CAPZB: variants seen among roughly 807,000 people sequenced by gnomAD.
The protein encoded by CAPZB is capping actin protein of muscle Z-line subunit beta.
CAPZB carries 2 observed loss-of-function variants against 38.1 expected under a neutral mutation model. That is an observed-to-expected ratio of 0.05 (90% CI 0.02 to 0.17). The LOEUF is 0.17. Among genes scored for constraint, CAPZB ranks in the 10% least tolerant of loss-of-function variants. The probability of loss-of-function intolerance (pLI) is 1.00; values close to 1 mark genes in which losing one functional copy is unlikely to be tolerated. For synonymous variants in CAPZB, 107 were observed against 127.4 expected (o/e 0.84, Z 1.08); for missense variants, 161 against 334.2 (o/e 0.48, Z 4.04).
chr1:19,341,855 C>T (rs1254322989), intron 8 of CAPZB, among the ~76,000 whole-genome samples: 1 of 152,200 alleles, frequency 6.6e-6, no homozygotes, highest in Non-Finnish European at 1.5e-5. Flanking sequence ...TTTCTAAGTG[C>T]CTGACCCCAC....
intron 1 of CAPZB, chr1:19,484,079 G>T: frequency 8.9e-7 from 1 of 1,123,482 alleles, no homozygotes; most frequent in Non-Finnish European, 1.3e-6. Flanking sequence ...GTCTATCTGT[G>T]GGGGCCTATG....
chr1:19,385,834 A>G (rs2094201165), intron 2 of CAPZB: 1 of 715,090 alleles, frequency 1.4e-6, no homozygotes, highest in Non-Finnish European at 2.6e-6. Flanking sequence ...CTTGAATTAC[A>G]GTGGAGCGTG....
intron 8 of CAPZB, 59 bp from the exon 9 acceptor site, chr1:19,339,676 G>A (rs1391648679): frequency 1.6e-6 from 2 of 1,289,124 alleles, no homozygotes; most frequent in Non-Finnish European, 2.3e-6. Flanking sequence ...GGCGGTGGAG[G>A]CCTGGGGGCC....
intron 1 of CAPZB, among the ~76,000 whole-genome samples, chr1:19,431,638 G>A (rs747599691): frequency 5.9e-5 from 9 of 151,786 alleles, no homozygotes; most frequent in African/African-American, 9.7e-5. Flanking sequence ...GGAGAATGGC[G>A]TGAACCCAGG....
At chr1:19,413,753 C>G (rs763870465) in intron 2 of CAPZB, among the ~76,000 whole-genome samples, 3 of 152,190 alleles carry the variant, frequency 2.0e-5, no homozygotes, top group Non-Finnish European at 4.4e-5. Context: ...AGCCTGCTTA[C>G]TCTATTAACA....
At chr1:19,397,205 C>G (rs1461308198) in intron 2 of CAPZB, among the ~76,000 whole-genome samples, 1 of 152,126 alleles carries the variant, frequency 6.6e-6, no homozygotes, top group Admixed American at 6.5e-5. Context: ...GGTCATAATT[C>G]CCAAGAACCT....
intron 6 of CAPZB, among the ~76,000 whole-genome samples, chr1:19,353,432 C>T (rs971482997): frequency 1.4e-5 from 2 of 145,226 alleles, no homozygotes; most frequent in African/African-American, 5.1e-5. Flanking sequence ...AGCCCCTGAC[C>T]ACGCCACGCC....
intron 8 of CAPZB, among the ~76,000 whole-genome samples, chr1:19,341,351 A>C (rs1230431777): frequency 6.6e-6 from 1 of 152,160 alleles, no homozygotes; most frequent in African/African-American, 2.4e-5. Context: ...CGGGCAAAGC[A>C]GCAGCGCACA....
intron 4 of CAPZB, among the ~76,000 whole-genome samples, chr1:19,375,275 T>G (rs987279105): frequency 6.6e-6 from 1 of 152,256 alleles, no homozygotes; most frequent in Admixed American, 6.5e-5. Context: ...TCCTCGCATG[T>G]GGTCCCAGGA....
chr1:19,462,236 A>C (rs1158210326), intron 1 of CAPZB, among the ~76,000 whole-genome samples: 1 of 151,870 alleles, frequency 6.6e-6, no homozygotes, highest in Non-Finnish European at 1.5e-5. Context: ...GTGGATCACG[A>C]GGTCAGGAGA....
At chr1:19,410,320 A>C (rs2094351697) in intron 2 of CAPZB, among the ~76,000 whole-genome samples, 1 of 152,224 alleles carries the variant, frequency 6.6e-6, no homozygotes, top group African/African-American at 2.4e-5. Flanking sequence ...CCTAGAAATA[A>C]GCTCCCTTAC....
rs1190771439 is a variant in CAPZB, at chr1:19,357,263, A to G, written c.471+159T>C. The stretch of plus-strand genomic sequence containing the variant: ...GAACTTAATCATCAATGACTACTGC[A>G]GACTTATCTTTATCCAAATGGCTTT... On this transcript the variant is annotated intron_variant, in intron 5 of 8. Coordinates refer to ENST00000264202, the MANE Select transcript of CAPZB (RefSeq NM_004930.5). The surrounding 1 kb of genome is among the most constrained non-coding windows in gnomAD (Gnocchi z 4.3). 6.6e-6 allele frequency among the ~76,000 whole-genome samples: 1 copy of G among 151,446 alleles called. No homozygotes were observed. Among genetic ancestry groups the G allele is most frequent in the African/African-American group, 2.4e-5 (1 of 41,192 alleles).
intron 1 of CAPZB, chr1:19,448,978 A>G: frequency 6.2e-7 from 1 of 1,602,708 alleles, no homozygotes; most frequent in East Asian, 2.2e-5. Flanking sequence ...GGCAAGAGGA[A>G]GTGGAAACAT....
At chr1:19,438,827 C>A (rs749565920) in intron 1 of CAPZB, among the ~76,000 whole-genome samples, 4 of 152,224 alleles carry the variant, frequency 2.6e-5, no homozygotes, top group Non-Finnish European at 5.9e-5. Flanking sequence ...CCACCGGGGC[C>A]GGCGGGCACT....
rs1173360633 is a variant in CAPZB at position 19,356,411 on chromosome 1, G to A, written c.588+224C>T. On this transcript the variant is annotated intron_variant, in intron 6 of 8. Transcript: ENST00000264202. This position sits in a 1 kb window ranked among gnomAD's most constrained non-coding sequence, Gnocchi z 4.3. ...TAAGGAGGAGCCACAGCCAGCACCC[G>A]GCCTCCCTCAGCAGGAGGCCAGCAG... Among the ~76,000 whole-genome samples the A allele has an allele frequency of 1.3e-5, 2 of 152,188 alleles. No individual in the cohort carries two copies. Among genetic ancestry groups the A allele is most frequent in the African/African-American group, 2.4e-5 (1 of 41,438 alleles).
rs748785409 is a variant in CAPZB, at chr1:19,380,489, G to A, written c.216-1836C>T. Among the ~76,000 whole-genome samples, 93 of 152,356 alleles carry A rather than the reference G, an allele frequency of 6.1e-4. 2 individuals are homozygous for A. The Middle Eastern group carries it at 0.014, about 22-fold the overall frequency. On this transcript the variant is annotated intron_variant, in intron 3 of 8. Transcript: ENST00000264202. The stretch of plus-strand genomic sequence containing the variant: ...ACCCCAGATGGCTGGGAAGACAGGC[G>A]TGCCGCCCACAATCGATGCCTCAGT...
chr1:19,373,502 T>C (rs1006910614), intron 4 of CAPZB, among the ~76,000 whole-genome samples: 7 of 151,960 alleles, frequency 4.6e-5, no homozygotes, highest in African/African-American at 1.5e-4. Context: ...TCTACGTCTT[T>C]CCCTCAGGAT....
intron 2 of CAPZB, among the ~76,000 whole-genome samples, chr1:19,397,584 G>C (rs925834640): frequency 7.9e-5 from 12 of 152,164 alleles, no homozygotes; most frequent in African/African-American, 2.7e-4. Flanking sequence ...GGCAAGATTG[G>C]TTTTTCACAC....
At chr1:19,484,215 G>T (rs2094641865) in intron 1 of CAPZB, 5 of 1,612,460 alleles carry the variant, frequency 3.1e-6, no homozygotes, top group African/African-American at 1.3e-5. Flanking sequence ...TCCATAATCA[G>T]CAGTTCCAAC....
Sources: allele counts gnomAD v4.1 joint callset (sites outside exome capture counted in the v4.1 genomes callset), GRCh38; gene constraint gnomAD v4.1.1; non-coding constraint Gnocchi (gnomAD v3.1); transcripts MANE v1.5; gene names NCBI Gene and HGNC (gene_info 2026-07-23, HGNC 2026-07-21).